The following SLC3A2 variants were observed in gnomAD, a reference collection of about 807,000 sequenced individuals.
SLC3A2 encodes solute carrier family 3 member 2, also known as amino acid transporter heavy chain SLC3A2.
Under a neutral mutation model 48.5 loss-of-function variants are expected in SLC3A2, and 32 were observed. That is an observed-to-expected ratio of 0.66 (90% CI 0.50 to 0.89). The LOEUF is 0.89. SLC3A2 is among the 40% of genes least tolerant of loss of function. The pLI is 0.00. For missense variants in SLC3A2, 587 were observed against 680.7 expected (o/e 0.86, Z 1.53); for synonymous variants, 277 against 288.8 (o/e 0.96, Z 0.41).
intron 1 of SLC3A2, among the ~76,000 whole-genome samples, chr11:62,856,911 C>T (rs1269071828): frequency 6.6e-6 from 1 of 151,734 alleles, no homozygotes; most frequent in African/African-American, 2.4e-5. Flanking sequence ...CTGCATTCCA[C>T]CTCCCGGGTT....
upstream of SLC3A2, among the ~76,000 whole-genome samples, chr11:62,879,927 C>T (rs3809075): frequency 0.05 from 7,595 of 152,244 alleles, 238 homozygotes; most frequent in East Asian, 0.15. Context: ...GCCTCCAAGG[C>T]CTAACATAGT....
chr11:62,871,584 G>A, intron 1 of SLC3A2: 1 of 653,296 alleles, frequency 1.5e-6, no homozygotes, highest in Non-Finnish European at 2.8e-6. Context: ...TAGAGACGGG[G>A]TCTGACTGTG....
Position 62,880,915 on chromosome 11 carries a change from G to T in SLC3A2, c.-109G>T. 8 of 1,457,976 alleles carry T rather than the reference G, an allele frequency of 5.5e-6. No homozygotes were observed. The South Asian group carries it at 1.0e-4, about 19-fold the overall frequency. The allele number at this position is 1,457,976 out of a possible 1,614,324, so 90.3% of individuals were successfully genotyped here. On this transcript the variant is annotated 5_prime_UTR_variant, in exon 1 of 9. Coordinates refer to ENST00000338663, the MANE Select transcript of SLC3A2 (RefSeq NM_001013251.3). ...CTGAGCAGATGCAGTAGCCGAAACT[G>T]CGCGGAGGCACAGAGGCCGGGGAGA...
intron 3 of SLC3A2, 34 bp downstream of exon 3, chr11:62,883,033 G>C: frequency 6.3e-7 from 1 of 1,591,752 alleles, no homozygotes; most frequent in East Asian, 2.2e-5. Flanking sequence ...GTGGAAGTCA[G>C]ATGCTGGGGC....
At chr11:62,871,325 G>C (rs955898441) in intron 1 of SLC3A2, among the ~76,000 whole-genome samples, 9 of 147,160 alleles carry the variant, frequency 6.1e-5, no homozygotes, top group African/African-American at 2.3e-4. Context: ...TGCAACCTCT[G>C]CCTCCCAGGT....
upstream of SLC3A2, among the ~76,000 whole-genome samples, chr11:62,876,385 C>A (rs1205112267): frequency 6.6e-6 from 1 of 152,092 alleles, no homozygotes; most frequent in Admixed American, 6.6e-5. Flanking sequence ...TGCCAAACTG[C>A]TTTTTTTCCT....
intron 1 of SLC3A2, among the ~76,000 whole-genome samples, chr11:62,870,045 C>A (rs1191289412): frequency 6.6e-6 from 1 of 152,060 alleles, no homozygotes. Context: ...GATCTGCCCG[C>A]CCTGGTCTCC....
At position 62,881,885 on chromosome 11, in the gene SLC3A2, C is replaced by T. The variant is rs1239889271; in HGVS notation, c.425-8C>T. 5 of 1,613,322 alleles carry T rather than the reference C, an allele frequency of 3.1e-6. No individual in the cohort carries two copies. The South Asian group carries it at 4.4e-5, about 14-fold the overall frequency. Reference sequence around the variant, plus strand: ...GGGCCTCACTTGTTAACCCAGCCCCCATTTCAGGTCTGAAGGGGCGTCTCG... The same window carrying T: ...GGGCCTCACTTGTTAACCCAGCCCCTATTTCAGGTCTGAAGGGGCGTCTCG... On this transcript the variant is annotated splice_region_variant and splice_polypyrimidine_tract_variant and intron_variant, in intron 1 of 8. Coordinates refer to ENST00000338663, the MANE Select transcript of SLC3A2 (RefSeq NM_001013251.3). The surrounding 1 kb of genome is among the most constrained non-coding windows in gnomAD (Gnocchi z 4.0).
intron 1 of SLC3A2, among the ~76,000 whole-genome samples, chr11:62,865,414 A>T (rs2085442046): frequency 6.6e-6 from 1 of 151,968 alleles, no homozygotes; most frequent in African/African-American, 2.4e-5. Flanking sequence ...TTAGCTGGGC[A>T]TGGTGGCGTG....
exon 1 of SLC3A2, chr11:62,856,262 C>A (rs752353749): frequency 1.9e-6 from 3 of 1,605,882 alleles, no homozygotes; most frequent in South Asian, 1.1e-5. Flanking sequence ...TGTGCAGGAT[C>A]CGCCTCCATG....
chr11:62,856,327 C>A (rs181905039), exon 1 of SLC3A2: 1 of 1,613,646 alleles, frequency 6.2e-7, no homozygotes, highest in South Asian at 1.1e-5. Context: ...GCGCCAGTTG[C>A]CTGGCTCACA....
chr11:62,873,890 C>T (rs1347139740), intron 1 of SLC3A2, among the ~76,000 whole-genome samples: 1 of 147,284 alleles, frequency 6.8e-6, no homozygotes, highest in African/African-American at 2.5e-5. Flanking sequence ...GTAGCTTCAA[C>T]CTCCTGGGCT....
rs1012744159 is a variant in SLC3A2, at chr11:62,884,320, G to C, written c.691-137G>C. 2.1e-5 allele frequency: 18 copies of C among 846,748 alleles called. No homozygotes were observed. In the South Asian group the frequency reaches 2.7e-4, roughly 13 times the overall value. 52.5% of individuals were successfully genotyped at this position (846,748 alleles called of 1,614,324 possible). A position where few individuals can be genotyped will look rare whatever the true frequency, so the allele number is the denominator to read the frequency against. On this transcript the variant is annotated intron_variant, in intron 3 of 8. Coordinates refer to ENST00000338663, the MANE Select transcript of SLC3A2 (RefSeq NM_001013251.3). ...GGCTAAGCCTTTGTAGTGCAGGTGG[G>C]GAAGACCCAGGCAAGGCACAGGACT...
chr11:62,873,486 C>G (rs1169657589), intron 1 of SLC3A2, among the ~76,000 whole-genome samples: 1 of 149,458 alleles, frequency 6.7e-6, no homozygotes, highest in African/African-American at 2.5e-5. Context: ...GAAACTCTGT[C>G]TCAAAAAAAA....
intron 3 of SLC3A2, 181 bp from the exon 4 acceptor site, chr11:62,884,276 A>G (rs2085678002): frequency 6.4e-6 from 4 of 629,136 alleles, no homozygotes; most frequent in South Asian, 3.8e-5. Context: ...GTGGAAGGGT[A>G]GAGCTGGAGG....
chr11:62,882,481 C>T (rs1405589821), intron 2 of SLC3A2: 1 of 205,334 alleles, frequency 4.9e-6, no homozygotes, highest in African/African-American at 2.7e-5. Flanking sequence ...TTTCTGCCTT[C>T]CAATATCTTT....
intron 1 of SLC3A2, among the ~76,000 whole-genome samples, chr11:62,873,818 T>C (rs983996316): frequency 2.0e-5 from 3 of 151,862 alleles, no homozygotes; most frequent in Admixed American, 1.3e-4. Flanking sequence ...ATTTTAATTA[T>C]TTTAGACCAG....
At chr11:62,887,745 T>TTATATA (rs995221440) in intron 7 of SLC3A2, 10 of 145,934 alleles carry the variant, frequency 6.9e-5, no homozygotes, top group African/African-American at 2.7e-4. Context: ...GTTGGGGAGG[T>TTATATA]TATATATTGA....
chr11:62,882,314 A>G, intron 2 of SLC3A2: 2 of 480,288 alleles, frequency 4.2e-6, no homozygotes, highest in Non-Finnish European at 3.8e-6. Flanking sequence ...CAAAATATAG[A>G]TATTTACTAA....
Sources: gnomAD v4.1 joint callset for allele counts (sites outside exome capture counted in the v4.1 genomes callset) on GRCh38, gnomAD v4.1.1 for gene constraint, Gnocchi (gnomAD v3.1) non-coding constraint, MANE v1.5 for transcripts, NCBI Gene and HGNC (gene_info 2026-07-23, HGNC 2026-07-21) for gene names.